Variants in SINHCAF observed in about 807,000 individuals in gnomAD.
SINHCAF encodes the protein SIN3-HDAC complex-associated factor.
Under a neutral mutation model 25.8 loss-of-function variants are expected in SINHCAF, and 3 were observed. The observed-to-expected ratio is 0.12, with a 90% CI of 0.05 to 0.30. The LOEUF is 0.30. Ranked by LOEUF, SINHCAF falls within the 10% of genes least tolerant of loss-of-function variation. The probability of loss-of-function intolerance (pLI) is 1.00; values close to 1 mark genes in which losing one functional copy is unlikely to be tolerated. For missense variants in SINHCAF, 121 were observed against 262.3 expected (o/e 0.46, Z 3.72); for synonymous variants, 70 against 85.5 (o/e 0.82, Z 1.00).
rs1032002623 is a variant in SINHCAF at position 31,317,854 on chromosome 12, T to C, written c.-21+8170A>G. 3.7e-4 allele frequency among the ~76,000 whole-genome samples: 56 copies of C among 152,084 alleles called. 1 individual carries two copies. Among genetic ancestry groups the C allele is most frequent in the South Asian group, 1.0e-3 (5 of 4,826 alleles). ...AGACAGGAGACAAGCGAAAGATTTG[T>C]AAAGTGGGAAGGAAGCAGCAGTGAA... On this transcript the variant is annotated intron_variant, in intron 1 of 5. Coordinates refer to ENST00000337682, the MANE Select transcript of SINHCAF (RefSeq NM_001135812.2).
intron 2 of SINHCAF, among the ~76,000 whole-genome samples, chr12:31,297,363 T>C (rs1484347939): frequency 6.6e-6 from 1 of 152,134 alleles, no homozygotes; most frequent in East Asian, 1.9e-4. Flanking sequence ...TTTCCCCATG[T>C]TGCCCAGGCT....
intron 1 of SINHCAF, among the ~76,000 whole-genome samples, chr12:31,314,142 T>A (rs1216122860): frequency 6.6e-6 from 1 of 151,522 alleles, no homozygotes; most frequent in Non-Finnish European, 1.5e-5. Context: ...TTTGGAGCCG[T>A]GTTTCCTGTC....
chr12:31,285,282 G>A lies in SINHCAF; in HGVS notation c.506+2352C>T, dbSNP rs142552420. Among the ~76,000 whole-genome samples the A allele has an allele frequency of 3.1e-4, 47 of 151,982 alleles. No individual in the cohort carries two copies. In the East Asian group the frequency reaches 7.0e-3, roughly 23 times the overall value. On this transcript the variant is annotated intron_variant, in intron 5 of 5. Transcript: ENST00000337682. ...GCATGCCTGTAATCCCAGCTACTCC[G>A]GAGGCTGAGACAGGAAAATCGCTTG...
chr12:31,307,499 G>C (rs1939082484), intron 1 of SINHCAF, among the ~76,000 whole-genome samples: 1 of 152,112 alleles, frequency 6.6e-6, no homozygotes. Context: ...AGGCAGCAGT[G>C]AGCTGTGAAC....
At chr12:31,299,313 GA>G (rs568890328) in intron 1 of SINHCAF, among the ~76,000 whole-genome samples, 1,623 of 149,218 alleles carry the variant, frequency 0.011, 31 homozygotes, top group African/African-American at 0.038. Flanking sequence ...AACAATAAAA[GA>G]AAAAAATTTT....
chr12:31,320,730 CT>C (rs569745560), intron 1 of SINHCAF, among the ~76,000 whole-genome samples: 30 of 151,986 alleles, frequency 2.0e-4, no homozygotes, highest in African/African-American at 6.8e-4. Context: ...AAAAAGGAGT[CT>C]TTTTTTAACA....
chr12:31,308,975 A>G (rs1458681643), intron 1 of SINHCAF, among the ~76,000 whole-genome samples: 1 of 151,828 alleles, frequency 6.6e-6, no homozygotes, highest in Admixed American at 6.6e-5. Context: ...TAAAAATACA[A>G]AAATAAGCCA....
intron 4 of SINHCAF, among the ~76,000 whole-genome samples, chr12:31,288,575 C>T (rs76820999): frequency 2.0e-5 from 3 of 152,272 alleles, no homozygotes; most frequent in East Asian, 3.9e-4. Flanking sequence ...CCCCCTCCCC[C>T]CAACCTCAGA....
At chr12:31,314,809 G>A (rs1211331872) in intron 1 of SINHCAF, among the ~76,000 whole-genome samples, 1 of 152,162 alleles carries the variant, frequency 6.6e-6, no homozygotes, top group Non-Finnish European at 1.5e-5. Flanking sequence ...TCTGCATTTA[G>A]GCCATTGTGA....
At chr12:31,308,596 G>C (rs749680741) in intron 1 of SINHCAF, among the ~76,000 whole-genome samples, 8 of 152,308 alleles carry the variant, frequency 5.3e-5, no homozygotes, top group Admixed American at 1.3e-4. Flanking sequence ...AAGAAAGTGT[G>C]TCAGAGCAAA....
intron 1 of SINHCAF, among the ~76,000 whole-genome samples, chr12:31,311,236 A>G (rs1939256652): frequency 1.3e-5 from 2 of 152,088 alleles, no homozygotes; most frequent in Admixed American, 6.6e-5. Flanking sequence ...AAAGCTGGGG[A>G]GTTGGCTGTG....
intron 1 of SINHCAF, among the ~76,000 whole-genome samples, chr12:31,301,448 G>C (rs1938790559): frequency 6.6e-6 from 1 of 152,148 alleles, no homozygotes; most frequent in South Asian, 2.1e-4. Flanking sequence ...CCCTCTCCTA[G>C]GCAATGCTCA....
intron 1 of SINHCAF, among the ~76,000 whole-genome samples, chr12:31,309,127 CAAA>C (rs757095598): frequency 0.032 from 2,408 of 75,348 alleles, 40 homozygotes; most frequent in African/African-American, 0.1. Flanking sequence ...GATTCTGTCT[CAAA>C]AAAAAAAAAA....
chr12:31,295,417 GTATCTA>G, intron 2 of SINHCAF, 84 bp from the exon 3 acceptor site: 2 of 832,556 alleles, frequency 2.4e-6, no homozygotes, highest in Non-Finnish European at 4.1e-6. Flanking sequence ...GGAAAAAACT[GTATCTA>G]TGTATGGTTT....
chr12:31,317,775 G>A (rs1939547846), intron 1 of SINHCAF, among the ~76,000 whole-genome samples: 1 of 152,116 alleles, frequency 6.6e-6, no homozygotes, highest in Admixed American at 6.5e-5. Context: ...GAGAGACTAC[G>A]AAATAGACTG....
At position 31,306,471 on chromosome 12, in the gene SINHCAF, C is replaced by T. The variant is rs201509156; in HGVS notation, c.-20-8247G>A. Among the ~76,000 whole-genome samples, 15 of 152,254 alleles carry T rather than the reference C, an allele frequency of 9.9e-5. No homozygotes were observed. In the East Asian group the frequency reaches 2.5e-3, roughly 25 times the overall value. On this transcript the variant is annotated intron_variant, in intron 1 of 5. Transcript: ENST00000337682. The stretch of plus-strand genomic sequence containing the variant: ...TAGGATAATGGGTTTATCATTAGGT[C>T]CATACCATAGTTCAGTTTGCGGGAA...
intron 2 of SINHCAF, 129 bp downstream of exon 2, chr12:31,297,948 A>C (rs1372181584): frequency 7.2e-6 from 7 of 966,026 alleles, no homozygotes; most frequent in Non-Finnish European, 1.1e-5. Flanking sequence ...CAGGAGACTT[A>C]CACAGCCTAA....
intron 1 of SINHCAF, among the ~76,000 whole-genome samples, chr12:31,301,574 T>C (rs551009197): frequency 6.6e-6 from 1 of 152,312 alleles, no homozygotes; most frequent in South Asian, 2.1e-4. Flanking sequence ...GAGCTTATCC[T>C]CACACTTAAG....
At chr12:31,293,746 C>T (rs755448554) in intron 4 of SINHCAF, 59 bp downstream of exon 4, 1 of 1,459,558 alleles carries the variant, frequency 6.9e-7, no homozygotes, top group East Asian at 2.5e-5. Context: ...CCATACACCA[C>T]CCCCAGCCAA....
Sources: allele counts gnomAD v4.1 joint callset (sites outside exome capture counted in the v4.1 genomes callset), GRCh38; gene constraint gnomAD v4.1.1; transcripts MANE v1.5; gene names NCBI Gene and HGNC (gene_info 2026-07-23, HGNC 2026-07-21).